Variants in TNRC6B observed in about 807,000 individuals in gnomAD.
TNRC6B encodes trinucleotide repeat containing adaptor 6B.
In TNRC6B, 52 loss-of-function variants were observed where a neutral mutation model predicts 203.6. That is an observed-to-expected ratio of 0.26 (90% CI 0.20 to 0.32). The LOEUF (loss-of-function observed/expected upper bound fraction) is 0.32. TNRC6B is among the 10% of genes least tolerant of loss of function. The probability of loss-of-function intolerance (pLI) is 1.00; values close to 1 mark genes in which losing one functional copy is unlikely to be tolerated. For synonymous variants in TNRC6B, 838 were observed against 845.7 expected (o/e 0.99, Z 0.16); for missense variants, 1,923 against 2,286.2 (o/e 0.84, Z 3.24).
intron 3 of TNRC6B, among the ~76,000 whole-genome samples, chr22:40,140,449 C>T (rs1334923652): frequency 1.3e-5 from 2 of 152,110 alleles, no homozygotes; most frequent in Non-Finnish European, 2.9e-5. Context: ...GGGACTGGAG[C>T]AACCATCTTA....
In TNRC6B at chr22:40,049,794, G is replaced by A. The variant is rs370314828; in HGVS notation, c.-121+4796G>A. On this transcript the variant is annotated intron_variant, in intron 1 of 23. Transcript: ENST00000301923. ...AATTTTTGTATTATTAGTAGAGACA[G>A]CATTTCACCATGTTGGCCAGGCTGA... is the stretch of plus-strand genomic sequence containing the variant. Among the ~76,000 whole-genome samples the A allele has an allele frequency of 1.1e-4, 17 of 152,040 alleles. No individual in the cohort carries two copies. The East Asian group carries it at 1.2e-3, about 10-fold the overall frequency.
upstream of TNRC6B, among the ~76,000 whole-genome samples, chr22:40,176,725 C>T (rs2069065741): frequency 6.6e-6 from 1 of 152,158 alleles, no homozygotes; most frequent in South Asian, 2.1e-4. Context: ...CACATTCTTT[C>T]ATAAATTGCA....
At chr22:40,143,775 C>G (rs534193482) in intron 3 of TNRC6B, among the ~76,000 whole-genome samples, 2 of 152,166 alleles carry the variant, frequency 1.3e-5, no homozygotes, top group Admixed American at 6.5e-5. Context: ...GGATTACAGG[C>G]GTGAGCCACT....
rs1282328479 is a variant in TNRC6B, at chr22:40,151,557, AAAG to A, written c.46-4555_46-4553del. Among the ~76,000 whole-genome samples, 40 of 48,220 alleles carry A rather than the reference AAAG, an allele frequency of 8.3e-4. 1 individual carries two copies. The highest frequency in any genetic ancestry group is 1.3e-3 in the African/African-American group (5 of 3,970). 31.6% of individuals were successfully genotyped at this position (48,220 alleles called of 152,430 possible). On this transcript the variant is annotated intron_variant, in intron 3 of 23. Coordinates refer to the TNRC6B transcript ENST00000301923. Reference sequence around the variant, plus strand: ...CATCTCAAAAAAAAAAAAAAAGAAAAAAGAAAAAAACTAAAACAAAAACTCTCT... The same window carrying A: ...CATCTCAAAAAAAAAAAAAAAGAAAAAAAAAAACTAAAACAAAAACTCTCT...
chr22:40,147,847 G>A (rs935255491), intron 3 of TNRC6B, among the ~76,000 whole-genome samples: 6 of 152,178 alleles, frequency 3.9e-5, no homozygotes, highest in Non-Finnish European at 7.3e-5. Context: ...AGGTAGATTC[G>A]TGGTTGTCTG....
chr22:40,315,685 A>AAAGGTACCCAAGAACTCCC (rs2071247723), intron 20 of TNRC6B, among the ~76,000 whole-genome samples, 178 bp downstream of exon 20: 1 of 151,900 alleles, frequency 6.6e-6, no homozygotes, highest in South Asian at 2.1e-4. Context: ...AGTATAAGGC[A>AAAGGTACCCAAGAACTCCC]AAGGGACAGA....
chr22:40,237,948 C>T (rs985328290), intron 1 of TNRC6B, among the ~76,000 whole-genome samples: 2 of 152,012 alleles, frequency 1.3e-5, no homozygotes, highest in Non-Finnish European at 2.9e-5. Context: ...TTTGCCCAGT[C>T]TTATATCCTG....
At chr22:40,116,307 G>A (rs1400274670) in intron 1 of TNRC6B, among the ~76,000 whole-genome samples, 1 of 152,174 alleles carries the variant, frequency 6.6e-6, no homozygotes, top group Non-Finnish European at 1.5e-5. Flanking sequence ...CACACACATA[G>A]GTAGCTCCAA....
At chr22:40,177,166 G>T (rs1316812725), upstream of TNRC6B, among the ~76,000 whole-genome samples, 1 of 152,146 alleles carries the variant, frequency 6.6e-6, no homozygotes, top group Admixed American at 6.5e-5. Flanking sequence ...TTAATTTAGT[G>T]CCTAGGCTCC....
rs1361823168 is a variant in TNRC6B, at chr22:40,251,114, A to G, written c.94-65A>G. The G allele has an allele frequency of 2.2e-6, 3 of 1,367,768 alleles. No individual in the cohort carries two copies. In the African/African-American group the frequency reaches 4.4e-5, roughly 20 times the overall value. 84.7% of individuals were successfully genotyped at this position (1,367,768 alleles called of 1,614,324 possible). On this transcript the variant is annotated intron_variant, in intron 2 of 22. Coordinates refer to ENST00000454349, the MANE Select transcript of TNRC6B (RefSeq NM_001162501.2). ...ATTACTTGAGTTATCAGACTAAAGTAGTCTGAAAATACAGTACTGAATTAA... is the reference window on the plus strand; with the variant it reads ...ATTACTTGAGTTATCAGACTAAAGTGGTCTGAAAATACAGTACTGAATTAA...
rs554007306 is a variant in TNRC6B at position 40,295,620 on chromosome 22, G to A, written c.3709-4835G>A. ...AATGATGAAATGAGAAGATGCAATG[G>A]AGATGGGGAAGCTTTCTGATTAACT... On this transcript the variant is annotated intron_variant, in intron 12 of 22. Transcript: ENST00000454349. Among the ~76,000 whole-genome samples, 3 of 152,264 alleles carry A rather than the reference G, an allele frequency of 2.0e-5. No homozygotes were observed. The South Asian group carries it at 6.2e-4, about 32-fold the overall frequency.
At chr22:40,087,325 G>C (rs2068109349) in intron 1 of TNRC6B, among the ~76,000 whole-genome samples, 1 of 152,272 alleles carries the variant, frequency 6.6e-6, no homozygotes, top group East Asian at 1.9e-4. Context: ...TTCTTTCCCA[G>C]TGTTCAGGAT....
At chr22:40,160,790 T>C (rs551939009) in intron 4 of TNRC6B, among the ~76,000 whole-genome samples, 1 of 152,022 alleles carries the variant, frequency 6.6e-6, no homozygotes, top group Admixed American at 6.6e-5. Flanking sequence ...TCTCAAACTC[T>C]TGGGCTCAGG....
intron 1 of TNRC6B, among the ~76,000 whole-genome samples, chr22:40,077,843 C>T (rs1480708986): frequency 6.6e-6 from 1 of 152,186 alleles, no homozygotes; most frequent in Non-Finnish European, 1.5e-5. Context: ...GAGATCAGCT[C>T]TGCTCACTCA....
chr22:40,090,007 G>A (rs1345878418), intron 1 of TNRC6B, among the ~76,000 whole-genome samples: 1 of 152,056 alleles, frequency 6.6e-6, no homozygotes, highest in Non-Finnish European at 1.5e-5. Flanking sequence ...TCTTTTCATG[G>A]CTTGATAGCT....
At chr22:40,263,634 C>G (rs1001113977) in intron 4 of TNRC6B, among the ~76,000 whole-genome samples, 8 of 152,120 alleles carry the variant, frequency 5.3e-5, no homozygotes, top group Non-Finnish European at 7.3e-5. Flanking sequence ...TTAAAGAAGC[C>G]AAAATAAATT....
chr22:40,200,750 A>G (rs1299431262), intron 1 of TNRC6B, among the ~76,000 whole-genome samples: 3 of 152,146 alleles, frequency 2.0e-5, no homozygotes, highest in African/African-American at 7.2e-5. Flanking sequence ...ATGATATGCT[A>G]GGCACAGGCA....
chr22:40,082,209 A>G (rs543967443), intron 1 of TNRC6B, among the ~76,000 whole-genome samples: 1 of 152,356 alleles, frequency 6.6e-6, no homozygotes, highest in African/African-American at 2.4e-5. Flanking sequence ...AAGCAATTAT[A>G]AAATGTTATA....
chr22:40,254,107 T>C (rs1275430654), intron 3 of TNRC6B, among the ~76,000 whole-genome samples: 1 of 152,112 alleles, frequency 6.6e-6, no homozygotes, highest in Non-Finnish European at 1.5e-5. Context: ...GGGTAGAGAT[T>C]TCAAGTGGAG....
Sources: allele counts gnomAD v4.1 joint callset (sites outside exome capture counted in the v4.1 genomes callset), GRCh38; gene constraint gnomAD v4.1.1; transcripts MANE v1.5; gene names NCBI Gene and HGNC (gene_info 2026-07-23, HGNC 2026-07-21).